The following EYA2 variants were observed in gnomAD, a reference collection of about 807,000 sequenced individuals.
EYA2 encodes EYA transcriptional coactivator and phosphatase 2.
EYA2 carries 31 observed loss-of-function variants against 69.2 expected under a neutral mutation model. The ratio of observed to expected loss-of-function variants is 0.45; its 90% CI spans 0.34 to 0.60. The LOEUF (loss-of-function observed/expected upper bound fraction) is 0.60, where lower values mean the gene tolerates loss of function less well. Among genes scored for constraint, EYA2 ranks in the 20% least tolerant of loss-of-function variants. The probability of loss-of-function intolerance (pLI) is 0.02; values close to 1 mark genes in which losing one functional copy is unlikely to be tolerated. For synonymous variants in EYA2, 257 were observed against 279.4 expected, an observed-to-expected ratio of 0.92 and a Z score of 0.80; for missense variants, 622 against 701.2, an observed-to-expected ratio of 0.89 and a Z score of 1.28.
At chr20:47,157,970 T>C (rs1400204673) in intron 10 of EYA2, among the ~76,000 whole-genome samples, 1 of 151,976 alleles carries the variant, frequency 6.6e-6, no homozygotes, top group Non-Finnish European at 1.5e-5. Flanking sequence ...TTACAGCGCA[T>C]ATGACAAATG....
At chr20:46,943,573 A>ATT (rs1002913340) in intron 1 of EYA2, among the ~76,000 whole-genome samples, 2 of 152,094 alleles carry the variant, frequency 1.3e-5, no homozygotes, top group African/African-American at 4.8e-5. Flanking sequence ...CAGATCTGGG[A>ATT]TTTGGGCAGG....
intron 5 of EYA2, among the ~76,000 whole-genome samples, chr20:47,041,871 C>G (rs1414399619): frequency 6.6e-6 from 1 of 151,666 alleles, no homozygotes; most frequent in Non-Finnish European, 1.5e-5. Context: ...TCTTTTGGTT[C>G]AAAAGTAAAT....
chr20:46,986,720 C>G (rs1981244348), intron 1 of EYA2, among the ~76,000 whole-genome samples: 2 of 152,062 alleles, frequency 1.3e-5, no homozygotes, highest in Non-Finnish European at 2.9e-5. Flanking sequence ...CCCACGGTAA[C>G]AGAAGGCGCA....
At position 46,987,916 on chromosome 20, in the gene EYA2, GTCTCTCTCTCTCTCTC is replaced by G. The variant is rs1555809755; in HGVS notation, c.-10-2051_-10-2036del. Among the ~76,000 whole-genome samples the G allele has an allele frequency of 1.1e-3, 22 of 20,372 alleles. 3 individuals are homozygous for G. The highest frequency in any genetic ancestry group is 3.2e-3 in the African/African-American group (19 of 6,026). 13.4% of individuals were successfully genotyped at this position (20,372 alleles called of 152,430 possible). On this transcript the variant is annotated intron_variant, in intron 1 of 15. Transcript: ENST00000327619. ...TACTCCAGCCTGGAAGACAGAGTAA[GTCTCTCTCTCTCTCTC>G]TCTCTCTCTCTCTCTCTCTCTCTCT... is the stretch of plus-strand genomic sequence containing the variant.
At chr20:47,035,794 G>A (rs976060223) in intron 5 of EYA2, among the ~76,000 whole-genome samples, 2 of 151,632 alleles carry the variant, frequency 1.3e-5, no homozygotes, top group African/African-American at 4.8e-5. Context: ...GACTCCTTGA[G>A]ACTAGAAGTT....
At chr20:47,061,964 C>G (rs931235387) in intron 5 of EYA2, among the ~76,000 whole-genome samples, 1 of 152,198 alleles carries the variant, frequency 6.6e-6, no homozygotes, top group African/African-American at 2.4e-5. Context: ...CAGGATAACT[C>G]ATTTCTGCTG....
At chr20:47,001,543 G>GA (rs2146345562) in intron 3 of EYA2, 70 bp downstream of exon 3, 1 of 1,501,062 alleles carries the variant, frequency 6.7e-7, no homozygotes, top group Non-Finnish European at 9.3e-7. Flanking sequence ...TAGAGGTTAA[G>GA]AGAGAGGGCC....
intron 5 of EYA2, among the ~76,000 whole-genome samples, chr20:47,059,902 C>T: frequency 6.6e-6 from 1 of 152,220 alleles, no homozygotes; most frequent in East Asian, 1.9e-4. Context: ...GACCCAGGAA[C>T]CTTTCACTAT....
intron 1 of EYA2, among the ~76,000 whole-genome samples, chr20:46,954,326 A>G (rs1978985666): frequency 6.6e-6 from 1 of 152,212 alleles, no homozygotes. Flanking sequence ...GCACATAGTA[A>G]AAGTTCAATA....
In EYA2 at chr20:46,927,931, G is replaced by A. The variant is rs1388232095; in HGVS notation, c.-11+32944G>A. 6.6e-5 allele frequency among the ~76,000 whole-genome samples: 10 copies of A among 152,166 alleles called. 1 individual carries two copies. Among genetic ancestry groups the A allele is most frequent in the Non-Finnish European group, 1.5e-4 (10 of 68,034 alleles). On this transcript the variant is annotated intron_variant, in intron 1 of 15. Coordinates refer to ENST00000327619, the MANE Select transcript of EYA2 (RefSeq NM_005244.5). ...TGAAGTGCACATAGTAACCCTAACC[G>A]TGACCCGAATCAATAGAACACTTAG...
chr20:47,004,951 A>G lies in EYA2; in HGVS notation c.165A>G (p.Pro55=). Reference sequence around the variant, plus strand: ...CCCTCTTTCCACACAGATCTTGCCCACGTGTCCTCCCCCGCCAGCCTTCCA... The same window carrying G: ...CCCTCTTTCCACACAGATCTTGCCCGCGTGTCCTCCCCCGCCAGCCTTCCA... ...RVSQLFSRSC[P]RVLPRQPSTA... Residue 55 remains proline, a synonymous_variant, in exon 4 of 16, where the codon CCA becomes CCG. Coordinates refer to ENST00000327619, the MANE Select transcript of EYA2 (RefSeq NM_005244.5). 1.9e-6 allele frequency: 3 copies of G among 1,614,028 alleles called. No individual in the cohort carries two copies. In the South Asian group the frequency reaches 3.3e-5, roughly 18 times the overall value.
At chr20:46,945,353 G>C (rs1484307532) in intron 1 of EYA2, among the ~76,000 whole-genome samples, 1 of 152,186 alleles carries the variant, frequency 6.6e-6, no homozygotes, top group Non-Finnish European at 1.5e-5. Flanking sequence ...ACAGTAGACT[G>C]ACCGATTTTT....
At chr20:46,940,084 T>C (rs992052994) in intron 1 of EYA2, among the ~76,000 whole-genome samples, 1 of 152,192 alleles carries the variant, frequency 6.6e-6, no homozygotes, top group African/African-American at 2.4e-5. Context: ...TAGGCCTACC[T>C]GAGGATGTCA....
At chr20:46,971,911 G>A (rs1461864712) in intron 1 of EYA2, among the ~76,000 whole-genome samples, 2 of 152,160 alleles carry the variant, frequency 1.3e-5, no homozygotes, top group Non-Finnish European at 2.9e-5. Context: ...TACTTTATTA[G>A]ATGCTAAGGA....
Position 47,004,930 on chromosome 20 carries a change from C to G in EYA2, c.156-12C>G. The G allele has an allele frequency of 6.2e-7, 1 of 1,614,048 alleles. No individual in the cohort carries two copies. The highest frequency in any genetic ancestry group is 1.3e-5 in the African/African-American group (1 of 75,052). ...TGGGCCTGGAGATTTAATCTTCCCT[C>G]TTTCCACACAGATCTTGCCCACGTG... On this transcript the variant is annotated splice_polypyrimidine_tract_variant and intron_variant, in intron 3 of 15. Coordinates refer to ENST00000327619, the MANE Select transcript of EYA2 (RefSeq NM_005244.5).
intron 5 of EYA2, among the ~76,000 whole-genome samples, chr20:47,058,432 C>A (rs1440844256): frequency 1.3e-5 from 2 of 152,228 alleles, no homozygotes; most frequent in Admixed American, 1.3e-4. Flanking sequence ...AGGAAACTCA[C>A]ACACAGGCCC....
chr20:47,186,593 A>T (rs947337503), intron 15 of EYA2, among the ~76,000 whole-genome samples: 1 of 151,904 alleles, frequency 6.6e-6, no homozygotes, highest in Non-Finnish European at 1.5e-5. Context: ...TCCTGATTTC[A>T]GGTAGTCCAC....
At chr20:46,975,337 A>G (rs1229713994) in intron 1 of EYA2, among the ~76,000 whole-genome samples, 3 of 152,152 alleles carry the variant, frequency 2.0e-5, no homozygotes, top group African/African-American at 7.2e-5. Flanking sequence ...TTTCTGTACT[A>G]TGTTTTGCAA....
chr20:46,929,152 C>CAAA (rs11329475), intron 1 of EYA2, among the ~76,000 whole-genome samples: 13 of 98,248 alleles, frequency 1.3e-4, no homozygotes, highest in Admixed American at 4.3e-4. Flanking sequence ...ATAAGTTGTG[C>CAAA]AAAAAAAAAA....
Sources: gnomAD v4.1 joint callset for allele counts (sites outside exome capture counted in the v4.1 genomes callset) on GRCh38, gnomAD v4.1.1 for gene constraint, MANE v1.5 for transcripts, NCBI Gene and HGNC (gene_info 2026-07-23, HGNC 2026-07-21) for gene names.